TENM3: variants seen among roughly 807,000 people sequenced by gnomAD.
TENM3 encodes the protein teneurin-3.
Under a neutral mutation model 255.1 loss-of-function variants are expected in TENM3, and 63 were observed. The ratio of observed to expected loss-of-function variants is 0.25; its 90% CI spans 0.20 to 0.30. The LOEUF is 0.30. TENM3 is among the 10% of genes least tolerant of loss of function. TENM3 has a pLI of 1.00. For missense variants in TENM3, 2,929 were observed against 3,461.1 expected (o/e 0.85, Z 3.86); for synonymous variants, 1,306 against 1,322.3 (o/e 0.99, Z 0.27).
the TENM3 span, among the ~76,000 whole-genome samples, chr4:181,605,552 A>G: frequency 0.08 from 2,335 of 29,320 alleles, 315 homozygotes; most frequent in Non-Finnish European, 0.099. Flanking sequence ...GAAAGAAAGA[A>G]AGAAAGAAAG....
chr4:182,784,742 G>T (rs1225438955), intron 24 of TENM3, among the ~76,000 whole-genome samples: 2 of 151,970 alleles, frequency 1.3e-5, no homozygotes, highest in Admixed American at 6.5e-5. Flanking sequence ...CCAGGTGCGG[G>T]ATATAATCTC....
chr4:182,022,193 A>T, the TENM3 span, among the ~76,000 whole-genome samples: 2,701 of 152,144 alleles, frequency 0.018, 60 homozygotes, highest in South Asian at 0.059. Flanking sequence ...AATGTGGTAC[A>T]TATACACCAT....
the TENM3 span, among the ~76,000 whole-genome samples, chr4:181,598,065 C>T: frequency 2.0e-4 from 31 of 152,166 alleles, no homozygotes; most frequent in African/African-American, 6.5e-4. Flanking sequence ...ATTAGTAGGA[C>T]GTGGTCTACT....
At chr4:182,283,344 CT>C (rs1271989282) in intron 1 of TENM3, among the ~76,000 whole-genome samples, 34 of 152,236 alleles carry the variant, frequency 2.2e-4, no homozygotes, top group African/African-American at 7.9e-4. Context: ...ATGTCCCTTG[CT>C]TTTTCGCAAT....
chr4:181,670,594 A>G, the TENM3 span, among the ~76,000 whole-genome samples: 62 of 152,322 alleles, frequency 4.1e-4, no homozygotes, highest in Middle Eastern at 3.4e-3. Flanking sequence ...CTGTAGACAC[A>G]AGGCACTGAA....
At chr4:182,414,983 A>G (rs1282331819) in intron 3 of TENM3, among the ~76,000 whole-genome samples, 1 of 152,256 alleles carries the variant, frequency 6.6e-6, no homozygotes, top group Non-Finnish European at 1.5e-5. Context: ...CTACTTCGCT[A>G]GTTTTCAACC....
intron 3 of TENM3, among the ~76,000 whole-genome samples, chr4:182,427,578 T>C (rs561212684): frequency 6.6e-6 from 1 of 152,340 alleles, no homozygotes; most frequent in African/African-American, 2.4e-5. Context: ...AGAGATAATA[T>C]ATGTTCCCAT....
the TENM3 span, among the ~76,000 whole-genome samples, chr4:181,764,458 G>C: frequency 6.6e-6 from 1 of 152,168 alleles, no homozygotes; most frequent in Non-Finnish European, 1.5e-5. Context: ...ACCAACGAAA[G>C]ACCGTTGATT....
chr4:181,709,917 C>T, the TENM3 span, among the ~76,000 whole-genome samples: 4 of 152,132 alleles, frequency 2.6e-5, no homozygotes, highest in East Asian at 7.7e-4. Flanking sequence ...GAGCAGTGCC[C>T]TTTCCTGAGC....
rs181155685 is a variant in TENM3, at chr4:182,764,356, C to T, written c.4892+9097C>T. On this transcript the variant is annotated intron_variant, in intron 22 of 27. Coordinates refer to ENST00000511685, the MANE Select transcript of TENM3 (RefSeq NM_001080477.4). ...TGCTGGAGGATGCAGAGCTAGATGACACATTCCCTGCTCTCAAGGAGCTCA... is the reference window on the plus strand; with the variant it reads ...TGCTGGAGGATGCAGAGCTAGATGATACATTCCCTGCTCTCAAGGAGCTCA... Among the ~76,000 whole-genome samples, 251 of 152,304 alleles carry T rather than the reference C, an allele frequency of 1.6e-3. 1 individual carries two copies. Among genetic ancestry groups the T allele is most frequent in the Non-Finnish European group, 6.0e-4 (41 of 68,026 alleles).
chr4:182,569,410 C>T (rs1204085811), intron 3 of TENM3, among the ~76,000 whole-genome samples: 3 of 151,934 alleles, frequency 2.0e-5, no homozygotes, highest in East Asian at 3.9e-4. Context: ...AAAAATAAGC[C>T]GGGCGTGGTG....
At chr4:182,318,784 T>A (rs1217970399) in intron 1 of TENM3, among the ~76,000 whole-genome samples, 1 of 152,190 alleles carries the variant, frequency 6.6e-6, no homozygotes, top group Non-Finnish European at 1.5e-5. Flanking sequence ...GTTTTGTTTT[T>A]TGAGACAGAG....
the TENM3 span, among the ~76,000 whole-genome samples, chr4:181,513,501 C>T: frequency 0.017 from 2,636 of 152,160 alleles, 73 homozygotes; most frequent in African/African-American, 0.06. Flanking sequence ...AAAGTAAGTG[C>T]AATTTGTTTC....
At chr4:182,143,344 G>GCAGAAAAGGACAGACCCCCACGCAC, upstream of TENM3, 1 of 167,130 alleles carries the variant, frequency 6.0e-6, no homozygotes, top group Middle Eastern at 3.4e-3. The surrounding 1 kb of genome is among the most constrained non-coding windows in gnomAD (Gnocchi z 4.3). Context: ...CCTGTCCAAA[G>GCAGAAAAGGACAGACCCCCACGCAC]GTCATTTGCG....
chr4:181,456,103 GTGTGTGTGTGTATATATATATATA>G, the TENM3 span, among the ~76,000 whole-genome samples: 9 of 117,514 alleles, frequency 7.7e-5, no homozygotes, highest in South Asian at 1.8e-3. Flanking sequence ...ATATGTGTGT[GTGTGTGTGTGTATATATATATATA>G]TGTGTGTGTG....
At chr4:182,604,664 C>A (rs1373958790) in intron 4 of TENM3, among the ~76,000 whole-genome samples, 2 of 152,064 alleles carry the variant, frequency 1.3e-5, no homozygotes, top group African/African-American at 2.4e-5. Flanking sequence ...CATTTATATA[C>A]GTGAATTAAA....
chr4:182,167,177 G>A (rs1751775393), intron 1 of TENM3, among the ~76,000 whole-genome samples: 1 of 152,170 alleles, frequency 6.6e-6, no homozygotes, highest in African/African-American at 2.4e-5. Context: ...ACAATGGCTG[G>A]CATTTTCACT....
At chr4:181,456,898 G>C in the TENM3 span, among the ~76,000 whole-genome samples, 1 of 151,870 alleles carries the variant, frequency 6.6e-6, no homozygotes, top group Non-Finnish European at 1.5e-5. Context: ...TCCATAGAAT[G>C]GTAGACATTT....
chr4:181,815,438 G>A, the TENM3 span, among the ~76,000 whole-genome samples: 1 of 132,620 alleles, frequency 7.5e-6, no homozygotes, highest in Non-Finnish European at 1.5e-5. Flanking sequence ...ACTCCAGCCT[G>A]GGCGACAGAG....
Sources: gnomAD v4.1 joint callset for allele counts (sites outside exome capture counted in the v4.1 genomes callset) on GRCh38, gnomAD v4.1.1 for gene constraint, Gnocchi (gnomAD v3.1) non-coding constraint, MANE v1.5 for transcripts, NCBI Gene and HGNC (gene_info 2026-07-23, HGNC 2026-07-21) for gene names.